Variants in CENPE observed in about 807,000 individuals in gnomAD.
CENPE encodes centromere protein E, also known as centromere-associated protein E.
In CENPE, 145 loss-of-function variants were observed where a neutral mutation model predicts 336.1. That is an observed-to-expected ratio of 0.43 (90% CI 0.38 to 0.50). CENPE has a LOEUF of 0.50. Among genes scored for constraint, CENPE ranks in the 20% least tolerant of loss-of-function variants. The probability of loss-of-function intolerance (pLI) is 0.00; values close to 1 mark genes in which losing one functional copy is unlikely to be tolerated. For missense variants in CENPE, 2,719 were observed against 3,023.3 expected, an observed-to-expected ratio of 0.90 and a Z score of 2.36; for synonymous variants, 1,013 against 984.8, an observed-to-expected ratio of 1.03 and a Z score of -0.54.
intron 8 of CENPE, among the ~76,000 whole-genome samples, chr4:103,191,455 A>G (rs1216989365): frequency 1.3e-5 from 2 of 152,204 alleles, no homozygotes; most frequent in Non-Finnish European, 2.9e-5. Flanking sequence ...ACACCATGAA[A>G]TTCTATGCAG....
In CENPE at chr4:103,194,392, A is replaced by G. The variant is rs747163813; in HGVS notation, c.609T>C (p.Ser203=). The change falls in exon 7 of 49, where the codon TCT becomes TCC. Residue 203 remains serine, a synonymous_variant. Transcript: ENST00000265148. The part of the protein sequence containing the change: ...ETKMNQRSSR[S]HTIFRMILES... The stretch of plus-strand genomic sequence containing the variant: ...TACCTACCATCCTAAAGATGGTATG[A>G]GAACGACTGCTTCTTTGATTCATTT... 31 of 1,610,884 alleles carry G rather than the reference A, an allele frequency of 1.9e-5. No individual in the cohort carries two copies. Among genetic ancestry groups the G allele is most frequent in the Non-Finnish European group, 2.5e-5 (30 of 1,177,962 alleles).
chr4:103,151,309 T>A lies in CENPE; in HGVS notation c.3306A>T (p.Ala1102=), dbSNP rs779284435. 2 of 1,607,738 alleles carry A rather than the reference T, an allele frequency of 1.2e-6. No homozygotes were observed. Among genetic ancestry groups the A allele is most frequent in the Non-Finnish European group, 1.7e-6 (2 of 1,178,638 alleles). ...TCTTTATGGCATGGTTCTTTTCTTGTGCAACTATCTCTTGTTGCTTTTTAA... is the reference window on the plus strand; with the variant it reads ...TCTTTATGGCATGGTTCTTTTCTTGAGCAACTATCTCTTGTTGCTTTTTAA... ...DELKKQQEIV[A]QEKNHAIKKE... is the part of the protein sequence containing the mutation. Residue 1102 remains alanine, a synonymous_variant, in exon 26 of 49, where the codon GCA becomes GCT. Transcript: ENST00000265148.
At chr4:103,162,450 A>G (rs1417864510) in intron 18 of CENPE, among the ~76,000 whole-genome samples, 1 of 152,164 alleles carries the variant, frequency 6.6e-6, no homozygotes, top group Admixed American at 6.5e-5. Flanking sequence ...ATCAACTAAA[A>G]TCATCTAGAG....
chr4:103,118,047 C>T (rs184458654), intron 44 of CENPE, among the ~76,000 whole-genome samples: 3 of 152,204 alleles, frequency 2.0e-5, no homozygotes, highest in African/African-American at 7.2e-5. Flanking sequence ...CATACACATG[C>T]AGCCCTTTGT....
intron 46 of CENPE, among the ~76,000 whole-genome samples, chr4:103,112,502 A>G (rs1236461513): frequency 4.1e-5 from 6 of 144,694 alleles, no homozygotes; most frequent in African/African-American, 1.5e-4. Context: ...ACTTATGTAT[A>G]CATGTATATA....
intron 46 of CENPE, among the ~76,000 whole-genome samples, chr4:103,112,130 G>T (rs988948382): frequency 1.3e-5 from 2 of 150,964 alleles, no homozygotes; most frequent in African/African-American, 4.9e-5. Flanking sequence ...ATATATGTGT[G>T]AGCATAACTA....
chr4:103,144,898 C>G (rs887198878), intron 32 of CENPE, 152 bp downstream of exon 32: 37 of 662,132 alleles, frequency 5.6e-5, no homozygotes, highest in Non-Finnish European at 8.2e-5. Context: ...TTTACTGGTA[C>G]TCAGTTGAAT....
intron 16 of CENPE, among the ~76,000 whole-genome samples, chr4:103,166,936 C>T (rs985722129): frequency 4.6e-5 from 7 of 151,902 alleles, no homozygotes; most frequent in Non-Finnish European, 7.4e-5. Flanking sequence ...TTTCTGAGTC[C>T]CTAAAGTCTG....
intron 26 of CENPE, among the ~76,000 whole-genome samples, chr4:103,150,593 A>G (rs576788877): frequency 6.6e-6 from 1 of 152,236 alleles, no homozygotes; most frequent in South Asian, 2.1e-4. Flanking sequence ...TCAAAAAAAA[A>G]AGGAGGAAAG....
rs746342778 is a variant in CENPE, at chr4:103,151,240, A to G, written c.3375T>C (p.Val1125=). 6 of 1,594,396 alleles carry G rather than the reference A, an allele frequency of 3.8e-6. No individual in the cohort carries two copies. Among genetic ancestry groups the G allele is most frequent in the Non-Finnish European group, 3.4e-6 (4 of 1,175,562 alleles). ...TCACCTTTTCCTTTAGTTTTTCTTC[A>G]ACTTCTGCCAGTCTGTCACAGGTCC... ...LSRTCDRLAE[V]EEKLKEKSQQ... The change falls in exon 26 of 49, where the codon GTT becomes GTC. Residue 1125 remains valine, a synonymous_variant. Transcript: ENST00000265148.
At chr4:103,115,731 C>CTT (rs749115745) in intron 45 of CENPE, among the ~76,000 whole-genome samples, 5 of 138,048 alleles carry the variant, frequency 3.6e-5, no homozygotes, top group African/African-American at 8.0e-5. Context: ...GAACATATTT[C>CTT]TTTTTTTTTT....
At chr4:103,158,923 G>A in intron 22 of CENPE, 37 bp from the exon 23 acceptor site, 1 of 1,572,290 alleles carries the variant, frequency 6.4e-7, no homozygotes, top group Non-Finnish European at 8.6e-7. Context: ...CACAGTAAAA[G>A]CAGAGCAGTC....
In CENPE at chr4:103,136,061, C is replaced by T. The variant is rs1278694120; in HGVS notation, c.6522+80G>A. On this transcript the variant is annotated intron_variant, in intron 40 of 48. Coordinates refer to ENST00000265148, the MANE Select transcript of CENPE (RefSeq NM_001813.3). Reference sequence around the variant, plus strand: ...GTAAGAATACTAAATAGCAAATATGCCGGCACCTGAAGCAGGACTTAAATA... The same window carrying T: ...GTAAGAATACTAAATAGCAAATATGTCGGCACCTGAAGCAGGACTTAAATA... The T allele has an allele frequency of 1.2e-5, 14 of 1,165,222 alleles. No individual in the cohort carries two copies. In the Admixed American group the frequency reaches 2.7e-4, roughly 23 times the overall value. The allele number at this position is 1,165,222 out of a possible 1,614,324, so 72.2% of individuals were successfully genotyped here. A position where few individuals can be genotyped will look rare whatever the true frequency, so the allele number is the denominator to read the frequency against.
intron 32 of CENPE, 110 bp downstream of exon 32, chr4:103,144,940 G>C (rs573223011): frequency 1.0e-6 from 1 of 982,442 alleles, no homozygotes; most frequent in East Asian, 2.6e-5. Context: ...TTTTATTTCC[G>C]GTCCCTTTAT....
At chr4:103,148,752 AC>A in intron 28 of CENPE, 91 bp downstream of exon 28, 1 of 1,182,976 alleles carries the variant, frequency 8.5e-7, no homozygotes, top group South Asian at 1.5e-5. Context: ...CAATTAATGA[AC>A]CACATCCTAG....
At position 103,122,050 on chromosome 4, in the gene CENPE, T is replaced by C. The variant is rs184540058; in HGVS notation, c.7143+821A>G. Among the ~76,000 whole-genome samples, 666 of 152,332 alleles carry C rather than the reference T, an allele frequency of 4.4e-3. 4 individuals carry two copies. The highest frequency in any genetic ancestry group is 4.5e-3 in the Non-Finnish European group (307 of 68,024). On this transcript the variant is annotated intron_variant, in intron 43 of 48. Transcript: ENST00000265148. The stretch of plus-strand genomic sequence containing the variant: ...TCTGCTAGACTATTTTCTTTGGTCA[T>C]TGAAGATTGACCAACTTTCCTTTTG...
At chr4:103,108,023 G>A (rs965441913) in intron 48 of CENPE, among the ~76,000 whole-genome samples, 2 of 152,066 alleles carry the variant, frequency 1.3e-5, no homozygotes, top group African/African-American at 4.8e-5. Flanking sequence ...TGTACTCACT[G>A]TGCTCTGACC....
At chr4:103,176,851 AG>A in intron 14 of CENPE, 47 bp downstream of exon 14, 1 of 1,413,788 alleles carries the variant, frequency 7.1e-7, no homozygotes, top group East Asian at 2.3e-5. Context: ...TCTCTTTATA[AG>A]GATGCTTTTA....
chr4:103,161,234 T>C lies in CENPE; in HGVS notation c.1983A>G (p.Thr661=). Residue 661 remains threonine, a synonymous_variant, in exon 20 of 49, where the codon ACA becomes ACG. Coordinates refer to ENST00000265148, the MANE Select transcript of CENPE (RefSeq NM_001813.3). ...GAATATCATTTTCCATTTGCTTGTA[T>C]GTAGTTGCAAGTTCTTTCTATTGAG... ...LKEKMKELAT[T]YKQMENDIQL... 6.2e-7 allele frequency: 1 copy of C among 1,609,304 alleles called. No individual in the cohort carries two copies. The highest frequency in any genetic ancestry group is 8.5e-7 in the Non-Finnish European group (1 of 1,178,400).
Sources: allele counts gnomAD v4.1 joint callset (sites outside exome capture counted in the v4.1 genomes callset), GRCh38; gene constraint gnomAD v4.1.1; transcripts MANE v1.5; gene names NCBI Gene and HGNC (gene_info 2026-07-23, HGNC 2026-07-21).